The following SKIDA1 variants were observed in gnomAD, a reference collection of about 807,000 sequenced individuals.
The protein encoded by SKIDA1 is SKI/DACH domain-containing protein 1.
SKIDA1 carries 18 observed loss-of-function variants against 51.4 expected under a neutral mutation model. That is an observed-to-expected ratio of 0.35 (90% CI 0.24 to 0.52). SKIDA1 has a LOEUF of 0.52. SKIDA1 is among the 20% of genes least tolerant of loss of function. The pLI, the probability that SKIDA1 is intolerant of heterozygous loss-of-function variation, is 0.95. For missense variants in SKIDA1, 1,104 were observed against 1,180.6 expected (o/e 0.94, Z 0.95); for synonymous variants, 579 against 500.5 (o/e 1.16, Z -2.09).
rs1254859644 is a variant in SKIDA1, at chr10:21,517,541, G to T, written c.282C>A (p.Ser94=). 1.9e-6 allele frequency: 3 copies of T among 1,596,348 alleles called. No individual in the cohort carries two copies. The highest frequency in any genetic ancestry group is 2.6e-6 in the Non-Finnish European group (3 of 1,171,314). The change falls in exon 4 of 4, where the codon TCC becomes TCA. Residue 94 remains serine, a synonymous_variant. Coordinates refer to ENST00000449193, the MANE Select transcript of SKIDA1 (RefSeq NM_207371.4). This position sits in a 1 kb window ranked among gnomAD's most constrained non-coding sequence, Gnocchi z 6.9. ...SREDVEALYT[S]CKTERVLKTK... The stretch of plus-strand genomic sequence containing the variant: ...TCTTGAGGACGCGCTCGGTTTTGCA[G>T]GAGGTGTAGAGCGCTTCCACGTCTT...
Position 21,515,678 on chromosome 10 carries a change from C to G in SKIDA1, c.2145G>C (p.Lys715Asn), listed in dbSNP as rs1203905821. The change falls in exon 4 of 4, where the codon AAG (lysine) becomes AAC (asparagine). Residue 715 changes from lysine (K) to asparagine (N), a missense_variant. Physicochemically the swap from Lys to Asn is moderately conservative, Grantham distance 94. Coordinates refer to ENST00000449193, the MANE Select transcript of SKIDA1 (RefSeq NM_207371.4). ...TCTCAGTCACACTGTAAAACTCACC[C>G]TTTGTATCATTGCACTCGCACTTTA... ...NKLKCECNDT[K>N]GEFYSVTESK... is the part of the protein sequence containing the mutation. 6.2e-7 allele frequency: 1 copy of G among 1,613,912 alleles called. No homozygotes were observed. Among genetic ancestry groups the G allele is most frequent in the African/African-American group, 1.3e-5 (1 of 74,934 alleles).
At chr10:21,520,588 C>T (rs1438635613) in intron 3 of SKIDA1, among the ~76,000 whole-genome samples, 2 of 148,440 alleles carry the variant, frequency 1.3e-5, no homozygotes, top group East Asian at 2.0e-4. Context: ...TTGGCTAGAG[C>T]ATCCTTTTTT....
rs180700422 is a variant in SKIDA1 at position 21,519,605 on chromosome 10, C to T, written c.-1783G>A. 2 of 167,064 alleles carry T rather than the reference C, an allele frequency of 1.2e-5. No homozygotes were observed. The highest frequency in any genetic ancestry group is 2.9e-5 in the Non-Finnish European group (2 of 68,076). The allele number at this position is 167,064 out of a possible 1,614,324, so 10.3% of individuals were successfully genotyped here. A position where few individuals can be genotyped will look rare whatever the true frequency, so the allele number is the denominator to read the frequency against. Reference sequence around the variant, plus strand: ...CAGGCATTTATGTGTTTCCTTGTTCCTCCAAAAATAGACACATCCGCGTGA... The same window carrying T: ...CAGGCATTTATGTGTTTCCTTGTTCTTCCAAAAATAGACACATCCGCGTGA... On this transcript the variant is annotated 5_prime_UTR_variant, in exon 4 of 4. Coordinates refer to ENST00000449193, the MANE Select transcript of SKIDA1 (RefSeq NM_207371.4).
Position 21,515,930 on chromosome 10 carries a change from A to T in SKIDA1, c.1893T>A (p.Asn631Lys). 1.1e-5 allele frequency: 17 copies of T among 1,613,972 alleles called. No homozygotes were observed. The highest frequency in any genetic ancestry group is 1.4e-5 in the Non-Finnish European group (17 of 1,179,886). Residue 631 changes from asparagine (N) to lysine (K), a missense_variant, in exon 4 of 4, where the codon AAT becomes AAA. Transcript: ENST00000449193. ...GAAGGATTTTGGAATATTTTTCTGA[A>T]TTTGCTTCTGCTCCTGAAGAATCAT... ...LNNDSSGAEA[N>K]SEKYSKILHC...
chr10:21,516,753 T>C lies in SKIDA1; in HGVS notation c.1070A>G (p.Gln357Arg), dbSNP rs2032223222. 6.5e-7 allele frequency: 1 copy of C among 1,547,250 alleles called. No homozygotes were observed. The highest frequency in any genetic ancestry group is 1.4e-5 in the African/African-American group (1 of 72,818). Residue 357 changes from glutamine (Q) to arginine (R), a missense_variant, in exon 4 of 4, where the codon CAG becomes CGG. This residue lies in a region of SKIDA1 where 938 missense variants were observed against 886.4 expected (regional missense o/e 1.06). Coordinates refer to ENST00000449193, the MANE Select transcript of SKIDA1 (RefSeq NM_207371.4). This position sits in a 1 kb window ranked among gnomAD's most constrained non-coding sequence, Gnocchi z 5.7. ...HHHHHRAQPP[Q>R]QSHHPPHHHR... ...GTGGTGAGGGGGGTGGTGACTCTGC[T>C]GCGGCGGCTGGGCCCGGTGGTGGTG...
chr10:21,521,842 T>C (rs2032404679), intron 2 of SKIDA1, among the ~76,000 whole-genome samples: 1 of 152,248 alleles, frequency 6.6e-6, no homozygotes, highest in Non-Finnish European at 1.5e-5. Flanking sequence ...TCTGCATTTA[T>C]TGTAAAAAAT....
chr10:21,516,768 CGGTGGTGGTGGTGGT>C lies in SKIDA1; in HGVS notation c.1040_1054del (p.His347_His351del). 6.5e-7 allele frequency: 1 copy of C among 1,538,476 alleles called. No homozygotes were observed. Among genetic ancestry groups the C allele is most frequent in the Non-Finnish European group, 8.8e-7 (1 of 1,142,704 alleles). The stretch of plus-strand genomic sequence containing the variant: ...GTGACTCTGCTGCGGCGGCTGGGCC[CGGTGGTGGTGGTGGT>C]GGTGGTGATGGTGGTGGTGGTGGTG... On this transcript the variant is annotated inframe_deletion, in exon 4 of 4. Coordinates refer to ENST00000449193, the MANE Select transcript of SKIDA1 (RefSeq NM_207371.4). This position sits in a 1 kb window ranked among gnomAD's most constrained non-coding sequence, Gnocchi z 5.7.
In SKIDA1 at chr10:21,516,137, A is replaced by G. The variant is rs2032195485; in HGVS notation, c.1686T>C (p.Asn562=). 2 of 1,614,014 alleles carry G rather than the reference A, an allele frequency of 1.2e-6. No homozygotes were observed. Among genetic ancestry groups the G allele is most frequent in the Non-Finnish European group, 1.7e-6 (2 of 1,179,890 alleles). ...EITFPHSEIS[N]AVKRTDLTIN... is the part of the protein sequence containing the mutation. ...TTGTCAGGTCAGTTCTCTTTACAGC[A>G]TTGGAAATTTCAGAGTGTGGGAATG... The change falls in exon 4 of 4, where the codon AAT becomes AAC. Residue 562 remains asparagine, a synonymous_variant. Transcript: ENST00000449193. The surrounding 1 kb of genome is among the most constrained non-coding windows in gnomAD (Gnocchi z 5.7).
chr10:21,515,988 T>A lies in SKIDA1; in HGVS notation c.1835A>T (p.Asp612Val). The A allele has an allele frequency of 6.2e-7, 1 of 1,614,062 alleles. No homozygotes were observed. Among genetic ancestry groups the A allele is most frequent in the Non-Finnish European group, 8.5e-7 (1 of 1,179,894 alleles). ...GAACCTAGCAGCTATTGTGTTGTTA[T>A]CTGCACAGTGTGTAGTAGGAGTTGT... is the stretch of plus-strand genomic sequence containing the variant. ...LQTTPTTHCA[D>V]NNTIAARFLN... Residue 612 changes from aspartate (D) to valine (V), a missense_variant, in exon 4 of 4, where the codon GAT (aspartate) becomes GTT (valine). Asp to Val is a radical substitution (Grantham distance 152). Around this residue, in one of 3 missense-constraint regions of SKIDA1, gnomAD observed 938 missense variants for 886.4 expected, o/e 1.06. Transcript: ENST00000449193.
chr10:21,516,009 G>T lies in SKIDA1; in HGVS notation c.1814C>A (p.Thr605Asn). ...LREARKCLQTTPTTHCADNNT... is the reference protein window; with the variant it reads ...LREARKCLQTNPTTHCADNNT... ...GTTATCTGCACAGTGTGTAGTAGGA[G>T]TTGTTTGTAGGCATTTCCTAGCCTC... Residue 605 changes from threonine (T) to asparagine (N), a missense_variant, in exon 4 of 4, where the codon ACT (threonine) becomes AAT (asparagine). Physicochemically the swap from Thr to Asn is moderately conservative, Grantham distance 65. Coordinates refer to ENST00000449193, the MANE Select transcript of SKIDA1 (RefSeq NM_207371.4). The surrounding 1 kb of genome is among the most constrained non-coding windows in gnomAD (Gnocchi z 5.7). 6.2e-7 allele frequency: 1 copy of T among 1,614,014 alleles called. No homozygotes were observed. The highest frequency in any genetic ancestry group is 8.5e-7 in the Non-Finnish European group (1 of 1,179,898).
chr10:21,520,360 T>A (rs1564337512), intron 3 of SKIDA1, among the ~76,000 whole-genome samples: 2 of 152,108 alleles, frequency 1.3e-5, no homozygotes, highest in Non-Finnish European at 2.9e-5. Context: ...CAGATGCTGG[T>A]GTTTGTTTTT....
At chr10:21,521,129 C>T (rs2131275338) in intron 3 of SKIDA1, among the ~76,000 whole-genome samples, 1 of 151,512 alleles carries the variant, frequency 6.6e-6, no homozygotes, top group East Asian at 1.9e-4. Context: ...GCCATCAGCA[C>T]ACGTTGCATA....
chr10:21,517,340 G>T lies in SKIDA1; in HGVS notation c.483C>A (p.Ala161=), dbSNP rs1231202248. The T allele has an allele frequency of 1.5e-5, 21 of 1,422,074 alleles. No homozygotes were observed. In the Admixed American group the frequency reaches 6.2e-4, roughly 42 times the overall value. 88.1% of individuals were successfully genotyped at this position (1,422,074 alleles called of 1,614,324 possible). Residue 161 remains alanine, a synonymous_variant, in exon 4 of 4, where the codon GCC becomes GCA. Transcript: ENST00000449193. This position sits in a 1 kb window ranked among gnomAD's most constrained non-coding sequence, Gnocchi z 6.9. ...GTAGATGGGCGGCGGGGCGCGCGGC[G>T]GCGGCGCCCGGGCGCTGGGACTGCG... ...ISAQSQRPGA[A]AARPAAHLPQ...
In SKIDA1 at chr10:21,516,431, G is replaced by A; in HGVS notation, c.1392C>T (p.Ile464=). The change falls in exon 4 of 4, where the codon ATC becomes ATT. Residue 464 remains isoleucine (I), a synonymous_variant. Transcript: ENST00000449193. This position sits in a 1 kb window ranked among gnomAD's most constrained non-coding sequence, Gnocchi z 5.7. The stretch of plus-strand genomic sequence containing the variant: ...TGCAGAAGCTGGTGCGCCTGAATCG[G>A]ATGCTCTGCACTGACACTTGGCTGG... The part of the protein sequence containing the change: ...SGSSQVSVQS[I]RFRRTSFCKP... The A allele has an allele frequency of 6.2e-7, 1 of 1,613,298 alleles. No individual in the cohort carries two copies. Among genetic ancestry groups the A allele is most frequent in the Non-Finnish European group, 8.5e-7 (1 of 1,179,886 alleles).
chr10:21,516,764 G>A lies in SKIDA1; in HGVS notation c.1059C>T (p.Ala353=), dbSNP rs2032223782. The change falls in exon 4 of 4, where the codon GCC becomes GCT. Residue 353 remains alanine (A), a synonymous_variant. Transcript: ENST00000449193. The surrounding 1 kb of genome is among the most constrained non-coding windows in gnomAD (Gnocchi z 5.7). The part of the protein sequence containing the change: ...HHHHHHHHHR[A]QPPQQSHHPP... ...GGTGGTGACTCTGCTGCGGCGGCTG[G>A]GCCCGGTGGTGGTGGTGGTGGTGGT... The A allele has an allele frequency of 6.5e-7, 1 of 1,545,042 alleles. No homozygotes were observed. The highest frequency in any genetic ancestry group is 8.7e-7 in the Non-Finnish European group (1 of 1,145,494).
chr10:21,522,473 A>G (rs1448643858), intron 2 of SKIDA1, among the ~76,000 whole-genome samples: 3 of 152,282 alleles, frequency 2.0e-5, no homozygotes, highest in East Asian at 3.9e-4. Flanking sequence ...TTCACAAGAT[A>G]AAAGTTTAAA....
At position 21,517,048 on chromosome 10, in the gene SKIDA1, C is replaced by T. The variant is rs1301001516; in HGVS notation, c.775G>A (p.Ala259Thr). The T allele has an allele frequency of 2.4e-4, 244 of 1,013,222 alleles. No homozygotes were observed. The highest frequency in any genetic ancestry group is 2.8e-4 in the Non-Finnish European group (237 of 852,000). The allele number at this position is 1,013,222 out of a possible 1,614,324, so 62.8% of individuals were successfully genotyped here. A position where few individuals can be genotyped will look rare whatever the true frequency, so the allele number is the denominator to read the frequency against. ...AGGCTCCCCGGGCCTCCGGCGCCCG[C>T]CGCTGCCTTGGGCTGGGGCCCGGCC... Reference protein sequence around the residue: ...SAAGPQPKAAAGAGGPGSLSY... With the variant: ...SAAGPQPKAATGAGGPGSLSY... Residue 259 changes from alanine to threonine, a missense_variant, in exon 4 of 4, where the codon GCG (alanine) becomes ACG (threonine). Physicochemically the swap from Ala to Thr is moderately conservative, Grantham distance 58. This residue lies in a region of SKIDA1 where 938 missense variants were observed against 886.4 expected (regional missense o/e 1.06). Coordinates refer to ENST00000449193, the MANE Select transcript of SKIDA1 (RefSeq NM_207371.4). This position sits in a 1 kb window ranked among gnomAD's most constrained non-coding sequence, Gnocchi z 6.9.
Position 21,516,776 on chromosome 10 carries a change from GTGGTGGTGGTGGTGA to G in SKIDA1, c.1032_1046del (p.His347_His351del), listed in dbSNP as rs1240525914. On this transcript the variant is annotated inframe_deletion, in exon 4 of 4. Coordinates refer to ENST00000449193, the MANE Select transcript of SKIDA1 (RefSeq NM_207371.4). This position sits in a 1 kb window ranked among gnomAD's most constrained non-coding sequence, Gnocchi z 5.7. ...GCTGCGGCGGCTGGGCCCGGTGGTG[GTGGTGGTGGTGGTGA>G]TGGTGGTGGTGGTGGTGGTGGTGCG... 4.5e-6 allele frequency: 7 copies of G among 1,540,732 alleles called. No individual in the cohort carries two copies. The highest frequency in any genetic ancestry group is 2.0e-5 in the Admixed American group (1 of 50,792).
chr10:21,520,333 G>A (rs1025514755), intron 3 of SKIDA1, among the ~76,000 whole-genome samples: 3 of 152,180 alleles, frequency 2.0e-5, no homozygotes, highest in South Asian at 2.1e-4. Flanking sequence ...GGCAGAAAGC[G>A]AAGTTTCCAG....
Sources: allele counts gnomAD v4.1 joint callset (sites outside exome capture counted in the v4.1 genomes callset), GRCh38; gene constraint gnomAD v4.1.1; regional missense constraint gnomAD v4.1.1; non-coding constraint Gnocchi (gnomAD v3.1); transcripts MANE v1.5; gene names NCBI Gene and HGNC (gene_info 2026-07-23, HGNC 2026-07-21).